Variants in SLC31A1 observed in about 807,000 individuals in gnomAD.
SLC31A1 encodes solute carrier family 31 member 1.
A neutral mutation model predicts 17.2 loss-of-function variants in SLC31A1; 5 were observed. The observed-to-expected ratio is 0.29, with a 90% confidence interval of 0.15 to 0.61. The LOEUF is 0.61. Ranked by LOEUF, SLC31A1 falls within the 20% of genes least tolerant of loss-of-function variation. SLC31A1 has a pLI of 0.86. For missense variants in SLC31A1, 161 were observed against 241.4 expected, an observed-to-expected ratio of 0.67 and a Z score of 2.21; for synonymous variants, 76 against 78.8, an observed-to-expected ratio of 0.96 and a Z score of 0.19.
At chr9:113,248,139 C>T (rs1228729713) in intron 1 of SLC31A1, among the ~76,000 whole-genome samples, 2 of 151,944 alleles carry the variant, frequency 1.3e-5, no homozygotes, top group Non-Finnish European at 2.9e-5. Context: ...GCCAACATGG[C>T]GAAACCCCGT....
intron 1 of SLC31A1, among the ~76,000 whole-genome samples, chr9:113,222,275 T>G (rs1587984305): frequency 6.6e-6 from 1 of 152,004 alleles, no homozygotes; most frequent in Non-Finnish European, 1.5e-5. Context: ...ATTCTGGCGG[T>G]GGGTGATGGA....
chr9:113,242,104 G>T (rs1831527599), intron 1 of SLC31A1, among the ~76,000 whole-genome samples: 1 of 152,156 alleles, frequency 6.6e-6, no homozygotes, highest in South Asian at 2.1e-4. Context: ...CAGGAGAATG[G>T]TGTGAACCCG....
At chr9:113,242,649 C>T (rs904571320) in intron 1 of SLC31A1, among the ~76,000 whole-genome samples, 1 of 152,124 alleles carries the variant, frequency 6.6e-6, no homozygotes, top group Non-Finnish European at 1.5e-5. Context: ...ATGTAATCCT[C>T]CCACCTCAGC....
intron 1 of SLC31A1, among the ~76,000 whole-genome samples, chr9:113,249,764 C>T (rs972963551): frequency 1.2e-4 from 18 of 151,966 alleles, no homozygotes; most frequent in South Asian, 6.2e-4. Context: ...GGAAAATTTT[C>T]GCAACCTACT....
chr9:113,262,357 T>C lies in SLC31A1; in HGVS notation c.*1884T>C, dbSNP rs1309941103. ...AGTTGTAGTCTACACTGCAGTCTTA[T>C]TCCTGGTTCAAACTACCTCTTTAAA... On this transcript the variant is annotated 3_prime_UTR_variant, in exon 5 of 5. Transcript: ENST00000374212. The C allele has an allele frequency of 6.5e-6, 1 of 152,712 alleles. No homozygotes were observed. The highest frequency in any genetic ancestry group is 1.5e-5 in the Non-Finnish European group (1 of 68,068). 9.5% of individuals were successfully genotyped at this position (152,712 alleles called of 1,614,324 possible).
intron 2 of SLC31A1, among the ~76,000 whole-genome samples, chr9:113,256,860 C>CAA (rs10705989): frequency 1.7e-3 from 174 of 102,510 alleles, no homozygotes; most frequent in East Asian, 6.8e-3. Flanking sequence ...GAATCCGTAT[C>CAA]AAAAAAAAAA....
chr9:113,251,592 A>G (rs1831654655), intron 1 of SLC31A1, among the ~76,000 whole-genome samples: 1 of 152,204 alleles, frequency 6.6e-6, no homozygotes, highest in Admixed American at 6.5e-5. Flanking sequence ...ACCTCCTGTA[A>G]GTTGAATTTC....
intron 1 of SLC31A1, among the ~76,000 whole-genome samples, chr9:113,226,442 G>T (rs1324755884): frequency 6.6e-6 from 1 of 152,128 alleles, no homozygotes; most frequent in Admixed American, 6.6e-5. Context: ...TATGCCAAAA[G>T]AAATCTTATA....
Position 113,263,498 on chromosome 9 carries a change from A to C in SLC31A1, c.*3025A>C, listed in dbSNP as rs1831816773. The C allele has an allele frequency of 6.6e-6, 1 of 152,592 alleles. No individual in the cohort carries two copies. Among genetic ancestry groups the C allele is most frequent in the Admixed American group, 6.5e-5 (1 of 15,274 alleles). The allele number at this position is 152,592 out of a possible 1,614,324, so 9.5% of individuals were successfully genotyped here. On this transcript the variant is annotated 3_prime_UTR_variant, in exon 5 of 5. Coordinates refer to ENST00000374212, the MANE Select transcript of SLC31A1 (RefSeq NM_001859.4). ...TCCTTCCCCATTCACATCTATTAGA[A>C]GACTGCATCACCATTTCTTTGGCCC...
chr9:113,238,487 T>C (rs1831487613), intron 1 of SLC31A1, among the ~76,000 whole-genome samples: 1 of 152,086 alleles, frequency 6.6e-6, no homozygotes, highest in Non-Finnish European at 1.5e-5. Flanking sequence ...TAAGGCTGGG[T>C]GCGGTGGTTC....
chr9:113,227,241 A>AT (rs1463589641), intron 1 of SLC31A1: 1 of 151,762 alleles, frequency 6.6e-6, no homozygotes, highest in African/African-American at 2.4e-5. Flanking sequence ...ATATTGAACA[A>AT]TTTTTTTCTT....
intron 1 of SLC31A1, among the ~76,000 whole-genome samples, chr9:113,244,795 T>G (rs967139653): frequency 2.0e-5 from 3 of 152,212 alleles, no homozygotes; most frequent in South Asian, 2.1e-4. Context: ...ATAACTACTT[T>G]CCTGAGTGCA....
At chr9:113,249,910 A>C (rs1011337871) in intron 1 of SLC31A1, among the ~76,000 whole-genome samples, 16 of 152,076 alleles carry the variant, frequency 1.1e-4, no homozygotes, top group Non-Finnish European at 2.1e-4. Flanking sequence ...TTATGCAGCC[A>C]AAAAACACAT....
At position 113,263,467 on chromosome 9, in the gene SLC31A1, T is replaced by C. The variant is rs1369484518; in HGVS notation, c.*2994T>C. On this transcript the variant is annotated 3_prime_UTR_variant, in exon 5 of 5. Coordinates refer to ENST00000374212, the MANE Select transcript of SLC31A1 (RefSeq NM_001859.4). The stretch of plus-strand genomic sequence containing the variant: ...TGTTCATTTTGGATCTAAACTTCTC[T>C]TTTCTTCCTTCCCCATTCACATCTA... 1.3e-5 allele frequency: 2 copies of C among 152,654 alleles called. No individual in the cohort carries two copies. Among genetic ancestry groups the C allele is most frequent in the Non-Finnish European group, 2.9e-5 (2 of 68,036 alleles). 9.5% of individuals were successfully genotyped at this position (152,654 alleles called of 1,614,324 possible).
chr9:113,240,953 G>C (rs1218225574), intron 1 of SLC31A1, among the ~76,000 whole-genome samples: 1 of 151,768 alleles, frequency 6.6e-6, no homozygotes, highest in Admixed American at 6.6e-5. Flanking sequence ...TGGAGGCTGA[G>C]GCAGGAGAAT....
intron 1 of SLC31A1, among the ~76,000 whole-genome samples, chr9:113,244,637 A>G (rs1442867896): frequency 6.6e-6 from 1 of 152,280 alleles, no homozygotes; most frequent in Non-Finnish European, 1.5e-5. Context: ...AAAAGCAAGT[A>G]AGAATTTATT....
At chr9:113,239,938 C>G (rs985994653) in intron 1 of SLC31A1, among the ~76,000 whole-genome samples, 1 of 152,188 alleles carries the variant, frequency 6.6e-6, no homozygotes. Context: ...AGCCTCTCCT[C>G]CGCTCACTCA....
chr9:113,235,997 T>C (rs1221949967), intron 1 of SLC31A1, among the ~76,000 whole-genome samples: 1 of 152,242 alleles, frequency 6.6e-6, no homozygotes, highest in East Asian at 1.9e-4. Flanking sequence ...TTTTTTGTTT[T>C]GTTTTGTTTT....
chr9:113,243,905 G>A (rs1196605812), intron 1 of SLC31A1, among the ~76,000 whole-genome samples: 2 of 152,084 alleles, frequency 1.3e-5, no homozygotes, highest in Non-Finnish European at 2.9e-5. Flanking sequence ...TGTAATCCCA[G>A]CACTTTGGGA....
Sources: gnomAD v4.1 joint callset for allele counts (sites outside exome capture counted in the v4.1 genomes callset) on GRCh38, gnomAD v4.1.1 for gene constraint, MANE v1.5 for transcripts, NCBI Gene and HGNC (gene_info 2026-07-23, HGNC 2026-07-21) for gene names.